The following KDM8 variants were observed in gnomAD, a reference collection of about 807,000 sequenced individuals.
KDM8 encodes the protein bifunctional peptidase and arginyl-hydroxylase JMJD5.
In KDM8, 35 loss-of-function variants were observed where a neutral mutation model predicts 46.9. That is an observed-to-expected ratio of 0.75 (90% CI 0.57 to 0.99). The LOEUF (loss-of-function observed/expected upper bound fraction) is 0.99, where lower values mean the gene tolerates loss of function less well. Among genes scored for constraint, KDM8 ranks in the 50% least tolerant of loss-of-function variants. The probability of loss-of-function intolerance (pLI) is 0.00; values close to 1 mark genes in which losing one functional copy is unlikely to be tolerated. For missense variants in KDM8, 475 were observed against 537.0 expected (o/e 0.88, Z 1.14); for synonymous variants, 232 against 227.7 (o/e 1.02, Z -0.17).
At chr16:27,220,506 G>T (rs1277614832) in intron 7 of KDM8, 21 bp downstream of exon 7, 2 of 1,614,076 alleles carry the variant, frequency 1.2e-6, no homozygotes, top group East Asian at 2.2e-5. Context: ...GGGGTCTGGG[G>T]TGACGTTGCA....
Position 27,220,797 on chromosome 16 carries a change from C to T in KDM8, c.*67C>T, listed in dbSNP as rs1233547117. On this transcript the variant is annotated 3_prime_UTR_variant, in exon 8 of 8. Transcript: ENST00000286096. Reference sequence around the variant, plus strand: ...CATCTGTTCACTAATTTCCTGGGTCCTGGAATCTATAGAGACAAGCAGGAC... The same window carrying T: ...CATCTGTTCACTAATTTCCTGGGTCTTGGAATCTATAGAGACAAGCAGGAC... 1 of 1,569,722 alleles carries T rather than the reference C, an allele frequency of 6.4e-7. No individual in the cohort carries two copies. The highest frequency in any genetic ancestry group is 1.4e-5 in the African/African-American group (1 of 74,002).
At chr16:27,212,748 T>TA (rs1197716194) in intron 2 of KDM8, among the ~76,000 whole-genome samples, 1 of 152,092 alleles carries the variant, frequency 6.6e-6, no homozygotes, top group East Asian at 1.9e-4. Context: ...AATAAATAAA[T>TA]AAATAAAACA....
chr16:27,214,634 A>C (rs1398263396), intron 3 of KDM8: 3 of 476,692 alleles, frequency 6.3e-6, no homozygotes, highest in East Asian at 6.5e-5. Context: ...AGAGCAGCCC[A>C]GCCAACCAGA....
At chr16:27,207,715 G>C (rs2140962474) in intron 1 of KDM8, among the ~76,000 whole-genome samples, 1 of 152,296 alleles carries the variant, frequency 6.6e-6, no homozygotes, top group African/African-American at 2.4e-5. Context: ...GGAGTAGCTG[G>C]GGCTACAGGT....
At chr16:27,216,254 A>G (rs2083551333) in intron 5 of KDM8, 3 of 547,262 alleles carry the variant, frequency 5.5e-6, no homozygotes, top group Non-Finnish European at 9.9e-6. Flanking sequence ...TGGCTGGGCT[A>G]TTGCTGTGGT....
intron 1 of KDM8, among the ~76,000 whole-genome samples, chr16:27,209,740 T>C (rs943204496): frequency 1.3e-5 from 2 of 152,212 alleles, no homozygotes; most frequent in African/African-American, 4.8e-5. Context: ...CACAGAACAC[T>C]GTTGGAGAGT....
intron 2 of KDM8, chr16:27,211,850 G>T (rs2083487890): frequency 6.6e-6 from 1 of 152,026 alleles, no homozygotes; most frequent in Non-Finnish European, 1.5e-5. Flanking sequence ...GGCAATTTTT[G>T]TATTTTTAAT....
At chr16:27,215,128 T>C in intron 4 of KDM8, 120 bp downstream of exon 4, 2 of 1,186,878 alleles carry the variant, frequency 1.7e-6, no homozygotes, top group South Asian at 1.4e-5. Context: ...TGTAAGTCTG[T>C]GGTCGGAGGG....
Position 27,215,025 on chromosome 16 carries a change from G to C in KDM8, c.798+17G>C, listed in dbSNP as rs2140971547. On this transcript the variant is annotated intron_variant, in intron 4 of 7. Transcript: ENST00000286096. ...GTGAATGAGGTACATCATGGGGACT[G>C]CTTTCCCCTAGTACTTGCAAGGCAG... 6.2e-7 allele frequency: 1 copy of C among 1,613,558 alleles called. No homozygotes were observed. Among genetic ancestry groups the C allele is most frequent in the Non-Finnish European group, 8.5e-7 (1 of 1,179,598 alleles).
In KDM8 at chr16:27,219,113, T is replaced by G. The variant is rs2083588597; in HGVS notation, c.993+3T>G. 6.2e-7 allele frequency: 1 copy of G among 1,603,114 alleles called. No individual in the cohort carries two copies. On this transcript the variant is annotated splice_donor_region_variant and intron_variant, in intron 6 of 7. Transcript: ENST00000286096. ...CCCAGCAAAACTTCCTAGTGCAGGT[T>G]GGAGCTGCAGCTGGAATAGTGGCCT...
chr16:27,220,349 G>A, intron 6 of KDM8, 44 bp from the exon 7 acceptor site: 1 of 1,563,490 alleles, frequency 6.4e-7, no homozygotes, highest in Non-Finnish European at 8.8e-7. Context: ...TGGGGCAGCA[G>A]TGGAGTGAGG....
At chr16:27,219,380 T>C (rs1252120325) in intron 6 of KDM8, among the ~76,000 whole-genome samples, 2 of 152,110 alleles carry the variant, frequency 1.3e-5, no homozygotes, top group African/African-American at 2.4e-5. Context: ...AGTGCTGGTG[T>C]GGGTGCCCGG....
chr16:27,215,890 C>A, intron 4 of KDM8, 55 bp from the exon 5 acceptor site: 1 of 1,577,608 alleles, frequency 6.3e-7, no homozygotes, highest in Non-Finnish European at 8.7e-7. Context: ...AGGAGGGCAT[C>A]TGTCATGACT....
intron 2 of KDM8, among the ~76,000 whole-genome samples, 185 bp downstream of exon 2, chr16:27,210,806 A>G (rs1333799673): frequency 6.6e-6 from 1 of 152,228 alleles, no homozygotes; most frequent in Non-Finnish European, 1.5e-5. Flanking sequence ...TCTGTCGCCC[A>G]GGCTGGAGTG....
At chr16:27,204,187 C>T (rs1386254459) in intron 1 of KDM8, 3 of 1,481,674 alleles carry the variant, frequency 2.0e-6, no homozygotes, top group South Asian at 1.3e-5. Flanking sequence ...TACGGGGGAC[C>T]CTCTGGGGCC....
intron 1 of KDM8, among the ~76,000 whole-genome samples, chr16:27,205,786 C>G (rs2083422643): frequency 6.6e-6 from 1 of 152,128 alleles, no homozygotes; most frequent in Non-Finnish European, 1.5e-5. Context: ...TGCAGTGAGG[C>G]GGGATCGCAC....
intron 2 of KDM8, among the ~76,000 whole-genome samples, chr16:27,212,742 A>C (rs912341934): frequency 1.3e-5 from 2 of 152,152 alleles, no homozygotes; most frequent in African/African-American, 4.8e-5. Flanking sequence ...TCAATAAATA[A>C]ATAAATAAAT....
In KDM8 at chr16:27,210,101, C is replaced by T. The variant is rs1206109332; in HGVS notation, c.-23C>T. On this transcript the variant is annotated 5_prime_UTR_variant, in exon 2 of 8. Coordinates refer to ENST00000286096, the MANE Select transcript of KDM8 (RefSeq NM_024773.3). ...TCTCTCCACCTCCCCAGGCACGGGA[C>T]TGAACCAGCTGGTGGTGGCCCGATG... The T allele has an allele frequency of 1.2e-6, 2 of 1,605,382 alleles. No individual in the cohort carries two copies. Among genetic ancestry groups the T allele is most frequent in the Non-Finnish European group, 1.7e-6 (2 of 1,175,810 alleles).
At position 27,213,105 on chromosome 16, in the gene KDM8, A is replaced by G. The variant is rs572428307; in HGVS notation, c.499-480A>G. ...ATGATGGTGCAGCCACTCCTAAGAAACTGTAAGGACCGGGTGGCCATGTGG... is the reference window on the plus strand; with the variant it reads ...ATGATGGTGCAGCCACTCCTAAGAAGCTGTAAGGACCGGGTGGCCATGTGG... On this transcript the variant is annotated intron_variant, in intron 2 of 7. Coordinates refer to ENST00000286096, the MANE Select transcript of KDM8 (RefSeq NM_024773.3). Among the ~76,000 whole-genome samples the G allele has an allele frequency of 2.0e-5, 3 of 152,242 alleles. No homozygotes were observed. In the South Asian group the frequency reaches 6.2e-4, roughly 32 times the overall value.
Sources: gnomAD v4.1 joint callset for allele counts (sites outside exome capture counted in the v4.1 genomes callset) on GRCh38, gnomAD v4.1.1 for gene constraint, MANE v1.5 for transcripts, NCBI Gene and HGNC (gene_info 2026-07-23, HGNC 2026-07-21) for gene names.